NXNL1: variants seen among roughly 807,000 people sequenced by gnomAD.
The protein encoded by NXNL1 is nucleoredoxin-like protein 1.
A neutral mutation model predicts 7.2 loss-of-function variants in NXNL1; 6 were observed. That is an observed-to-expected ratio of 0.83 (90% CI 0.46 to 1.64). NXNL1 has a LOEUF of 1.64. Ranked by LOEUF, NXNL1 falls within the 40% of genes most tolerant of loss-of-function variation. The pLI is 0.01. For synonymous variants in NXNL1, 133 were observed against 127.2 expected (o/e 1.05, Z -0.31); for missense variants, 308 against 285.1 (o/e 1.08, Z -0.58).
Position 17,455,879 on chromosome 19 carries a change from T to A in NXNL1, c.407A>T (p.Asp136Val). 6.3e-7 allele frequency: 1 copy of A among 1,591,470 alleles called. No individual in the cohort carries two copies. Reference protein sequence around the residue: ...LKPDGDVLTRDGADEIQRLGT... With the variant: ...LKPDGDVLTRVGADEIQRLGT... ...CAGGCGCTGGATCTCGTCGGCGCCG[T>A]CGCGAGTGAGCACGTCCCCGTCCGG... is the stretch of plus-strand genomic sequence containing the variant. The change falls in exon 2 of 2, where the codon GAC becomes GTC. Residue 136 changes from aspartate (D) to valine (V), a missense_variant. Transcript: ENST00000301944.
chr19:17,458,695 G>A (rs1315156930), intron 1 of NXNL1, among the ~76,000 whole-genome samples: 2 of 144,078 alleles, frequency 1.4e-5, no homozygotes, highest in African/African-American at 2.6e-5. Context: ...TCCGCCTCCC[G>A]GGTTCAAGCG....
intron 1 of NXNL1, among the ~76,000 whole-genome samples, chr19:17,458,046 A>G (rs779587260): frequency 2.6e-4 from 39 of 152,210 alleles, no homozygotes; most frequent in Admixed American, 1.1e-3. Flanking sequence ...ACGTGTATAT[A>G]GACACGTATT....
chr19:17,455,637 C>T lies in NXNL1; in HGVS notation c.*10G>A, dbSNP rs2074989136. 3.7e-6 allele frequency: 5 copies of T among 1,365,470 alleles called. No individual in the cohort carries two copies. The highest frequency in any genetic ancestry group is 5.0e-6 in the Non-Finnish European group (5 of 994,274). The allele number at this position is 1,365,470 out of a possible 1,614,324, so 84.6% of individuals were successfully genotyped here. The stretch of plus-strand genomic sequence containing the variant: ...CAACAAACCCCACTCCTCTCCTCCA[C>T]CCTAGCGGGTCAGAACAGCCCCCCG... On this transcript the variant is annotated 3_prime_UTR_variant, in exon 2 of 2. Transcript: ENST00000301944.
Position 17,460,791 on chromosome 19 carries a change from T to C in NXNL1, c.79A>G (p.Ser27Gly). 1 of 1,613,830 alleles carries C rather than the reference T, an allele frequency of 6.2e-7. No homozygotes were observed. Among genetic ancestry groups the C allele is most frequent in the Non-Finnish European group, 8.5e-7 (1 of 1,180,026 alleles). ...QDELDTEAEV[S>G]RRLENRLVLL... ...ACCAGCCGGTTCTCCAGCCTGCGAC[T>C]GACCTCAGCCTCCGTATCCAGCTCG... The change falls in exon 1 of 2, where the codon AGT becomes GGT. Residue 27 changes from serine (S) to glycine (G), a missense_variant. Ser to Gly is a moderately conservative substitution (Grantham distance 56). Coordinates refer to ENST00000301944, the MANE Select transcript of NXNL1 (RefSeq NM_138454.2).
At chr19:17,456,620 G>A (rs948784858) in intron 1 of NXNL1, among the ~76,000 whole-genome samples, 54 of 152,178 alleles carry the variant, frequency 3.5e-4, no homozygotes, top group African/African-American at 1.2e-3. Flanking sequence ...GGTGGCTCAT[G>A]CCTGTAATCT....
At chr19:17,457,760 G>A (rs756992899) in intron 1 of NXNL1, among the ~76,000 whole-genome samples, 1 of 152,216 alleles carries the variant, frequency 6.6e-6, no homozygotes, top group Non-Finnish European at 1.5e-5. Flanking sequence ...TGAATGTTTT[G>A]TTGAGAGGAC....
chr19:17,459,962 T>C (rs1187063282), intron 1 of NXNL1, among the ~76,000 whole-genome samples: 1 of 152,070 alleles, frequency 6.6e-6, no homozygotes. Context: ...TATTTCCACT[T>C]TGTGGCCTAG....
chr19:17,458,363 G>C lies in NXNL1; in HGVS notation c.326+2181C>G, dbSNP rs534664536. ...GCCTCTCCGAGTAGCTGGGACTACA[G>C]GCGCCCGCCACCACGCCCGGCTAAT... On this transcript the variant is annotated intron_variant, in intron 1 of 1. Coordinates refer to ENST00000301944, the MANE Select transcript of NXNL1 (RefSeq NM_138454.2). Among the ~76,000 whole-genome samples, 26 of 151,100 alleles carry C rather than the reference G, an allele frequency of 1.7e-4. 1 individual carries two copies. The South Asian group carries it at 5.2e-3, about 30-fold the overall frequency.
chr19:17,455,446 G>A lies in NXNL1; in HGVS notation c.*201C>T. 1.7e-6 allele frequency: 1 copy of A among 579,690 alleles called. No homozygotes were observed. 35.9% of individuals were successfully genotyped at this position (579,690 alleles called of 1,614,324 possible). On this transcript the variant is annotated 3_prime_UTR_variant, in exon 2 of 2. Coordinates refer to ENST00000301944, the MANE Select transcript of NXNL1 (RefSeq NM_138454.2). ...AGCCTTCAGGGTAGCTAAGCCACAG[G>A]TGCGCGCCACCACACCGGGCTAACT...
Position 17,455,818 on chromosome 19 carries a change from G to A in NXNL1, c.468C>T (p.Ala156=), listed in dbSNP as rs1343771604. Residue 156 remains alanine (A), a synonymous_variant, in exon 2 of 2, where the codon GCC becomes GCT. Transcript: ENST00000301944. ...GCTGGAAGTTGCGGTCCAGCACCTC[G>A]GCCGCCTCCTGCCAGTTGGCGAAGC... The part of the protein sequence containing the change: ...TACFANWQEA[A]EVLDRNFQLP... 1.4e-5 allele frequency: 22 copies of A among 1,575,662 alleles called. No individual in the cohort carries two copies. The highest frequency in any genetic ancestry group is 1.7e-5 in the Non-Finnish European group (20 of 1,166,554).
At chr19:17,460,093 A>G (rs2075006962) in intron 1 of NXNL1, among the ~76,000 whole-genome samples, 1 of 152,030 alleles carries the variant, frequency 6.6e-6, no homozygotes, top group Non-Finnish European at 1.5e-5. Context: ...TCACTGCAGC[A>G]TCTGCCTCCC....
chr19:17,458,900 A>G (rs1163605300), intron 1 of NXNL1, among the ~76,000 whole-genome samples: 1 of 151,948 alleles, frequency 6.6e-6, no homozygotes. Context: ...CACCGCACCA[A>G]GCCACCTTTC....
chr19:17,455,769 C>A lies in NXNL1; in HGVS notation c.517G>T (p.Glu173Ter). The A allele has an allele frequency of 2.0e-6, 3 of 1,537,400 alleles. No homozygotes were observed. The highest frequency in any genetic ancestry group is 2.5e-5 in the East Asian group (1 of 40,448). The part of the protein sequence containing the change: ...FQLPEDLEDQ[E>*]PRSLTECLRR... Reference sequence around the variant, plus strand: ...AGGCACTCGGTGAGGCTCCGTGGCTCCTGGTCCTCCAGGTCCTCTGGCAGC... The same window carrying A: ...AGGCACTCGGTGAGGCTCCGTGGCTACTGGTCCTCCAGGTCCTCTGGCAGC... The change falls in exon 2 of 2, where the codon GAG becomes TAG. Residue 173 changes from glutamate (E) to a stop codon, truncating the protein, a stop_gained. Coordinates refer to ENST00000301944, the MANE Select transcript of NXNL1 (RefSeq NM_138454.2). LOFTEE classifies it low-confidence loss of function (END_TRUNC).
intron 1 of NXNL1, among the ~76,000 whole-genome samples, chr19:17,457,299 T>A (rs2074996857): frequency 2.0e-5 from 3 of 152,150 alleles, no homozygotes. Context: ...AATCTTTTAG[T>A]GTAAGTATAG....
chr19:17,455,692 G>A lies in NXNL1; in HGVS notation c.594C>T (p.Pro198=), dbSNP rs910123827. The change falls in exon 2 of 2, where the codon CCC becomes CCT. Residue 198 remains proline (P), a synonymous_variant. Coordinates refer to ENST00000301944, the MANE Select transcript of NXNL1 (RefSeq NM_138454.2). The part of the protein sequence containing the change: ...VEKAARGGRD[P]GGGGGEEGGA... ...CGCCCTCCTCCCCACCCCCTCCCCCGGGGTCGCGCCCGCCTCGCGCCGCCT... is the reference window on the plus strand; with the variant it reads ...CGCCCTCCTCCCCACCCCCTCCCCCAGGGTCGCGCCCGCCTCGCGCCGCCT... The A allele has an allele frequency of 9.1e-5, 19 of 207,730 alleles. No homozygotes were observed. The East Asian group carries it at 1.1e-3, about 12-fold the overall frequency. 12.9% of individuals were successfully genotyped at this position (207,730 alleles called of 1,614,324 possible).
At chr19:17,457,867 G>A (rs1004268403) in intron 1 of NXNL1, among the ~76,000 whole-genome samples, 2 of 152,208 alleles carry the variant, frequency 1.3e-5, no homozygotes, top group Non-Finnish European at 2.9e-5. Context: ...CTCAGCTGCC[G>A]AGGGCAGTGG....
chr19:17,457,763 G>A (rs1184721179), intron 1 of NXNL1, among the ~76,000 whole-genome samples: 2 of 152,176 alleles, frequency 1.3e-5, no homozygotes, highest in East Asian at 1.9e-4. Context: ...ATGTTTTGTT[G>A]AGAGGACCCT....
chr19:17,459,618 A>G (rs2144517740), intron 1 of NXNL1, among the ~76,000 whole-genome samples: 1 of 152,148 alleles, frequency 6.6e-6, no homozygotes, highest in Middle Eastern at 3.4e-3. Flanking sequence ...GGGTTTTGCC[A>G]TATTGGTCAG....
At chr19:17,456,003 T>A in intron 1 of NXNL1, 44 bp from the exon 2 acceptor site, 11 of 1,595,294 alleles carry the variant, frequency 6.9e-6, no homozygotes, top group Non-Finnish European at 8.5e-6. Context: ...ACATCCCTGA[T>A]GCTGAACCAG....
Sources: allele counts gnomAD v4.1 joint callset (sites outside exome capture counted in the v4.1 genomes callset), GRCh38; gene constraint gnomAD v4.1.1; transcripts MANE v1.5; gene names NCBI Gene and HGNC (gene_info 2026-07-23, HGNC 2026-07-21).